SAMSN1: variants seen among roughly 807,000 people sequenced by gnomAD.
SAMSN1 encodes SAM domain, SH3 domain and nuclear localization signals 1.
Under a neutral mutation model 42.0 loss-of-function variants are expected in SAMSN1, and 31 were observed. That is an observed-to-expected ratio of 0.74 (90% confidence interval 0.55 to 1.00). The LOEUF (loss-of-function observed/expected upper bound fraction) is 1.00. SAMSN1 is among the 50% of genes least tolerant of loss of function. The pLI, the probability that SAMSN1 is intolerant of heterozygous loss-of-function variation, is 0.00. For missense variants in SAMSN1, 464 were observed against 439.4 expected, an observed-to-expected ratio of 1.06 and a Z score of -0.50; for synonymous variants, 178 against 151.9, an observed-to-expected ratio of 1.17 and a Z score of -1.26.
chr21:14,496,776 T>C (rs956292015), intron 7 of SAMSN1, among the ~76,000 whole-genome samples: 1 of 152,194 alleles, frequency 6.6e-6, no homozygotes, highest in African/African-American at 2.4e-5. Context: ...AGAAAGCATA[T>C]AATAACCTAG....
At chr21:14,549,249 G>A (rs952912068), upstream of SAMSN1, among the ~76,000 whole-genome samples, 2 of 152,072 alleles carry the variant, frequency 1.3e-5, no homozygotes, top group Non-Finnish European at 2.9e-5. Flanking sequence ...TGATGTCCTC[G>A]ATTCTGAGAC....
At chr21:14,626,379 A>G (rs182812621) in intron 2 of SAMSN1, among the ~76,000 whole-genome samples, 169 of 152,338 alleles carry the variant, frequency 1.1e-3, no homozygotes, top group African/African-American at 4.0e-3. Flanking sequence ...CAATCTACTC[A>G]TCTGACAAAG....
intron 6 of SAMSN1, among the ~76,000 whole-genome samples, chr21:14,597,186 A>G (rs1331364611): frequency 6.6e-6 from 1 of 152,044 alleles, no homozygotes; most frequent in Non-Finnish European, 1.5e-5. Context: ...AATCTGTCTG[A>G]TAAAACCTAG....
intron 6 of SAMSN1, among the ~76,000 whole-genome samples, chr21:14,600,427 G>A (rs772484322): frequency 7.2e-5 from 11 of 152,116 alleles, no homozygotes; most frequent in Non-Finnish European, 1.5e-4. Flanking sequence ...CCCAAACGAC[G>A]ATTTTTAGAT....
chr21:14,505,418 A>G (rs962528169), intron 5 of SAMSN1, among the ~76,000 whole-genome samples: 1 of 152,226 alleles, frequency 6.6e-6, no homozygotes, highest in East Asian at 1.9e-4. Flanking sequence ...TTTCATTCAA[A>G]TGGACACCAA....
intron 2 of SAMSN1, chr21:14,642,937 T>C: frequency 1.5e-6 from 1 of 686,366 alleles, no homozygotes; most frequent in Non-Finnish European, 2.7e-6. Flanking sequence ...TAAGTATCAT[T>C]AGGCAAGAGA....
upstream of SAMSN1, chr21:14,583,432 G>T (rs983959820): frequency 1.2e-5 from 6 of 492,266 alleles, no homozygotes; most frequent in Admixed American, 1.4e-4. Flanking sequence ...GTGTCTCGGA[G>T]CCCGGTCTTG....
intron 2 of SAMSN1, among the ~76,000 whole-genome samples, chr21:14,577,284 A>ATATATATTTTT (rs1460040142): frequency 1.9e-5 from 1 of 53,860 alleles, no homozygotes; most frequent in African/African-American, 8.4e-5. Context: ...ATATATATAT[A>ATATATATTTTT]TTTTTTTTTT....
chr21:14,530,194 G>T (rs1360808771), intron 1 of SAMSN1, among the ~76,000 whole-genome samples: 3 of 151,822 alleles, frequency 2.0e-5, no homozygotes, highest in African/African-American at 7.3e-5. Flanking sequence ...GCGGGTGCCT[G>T]TAGTCCCAGC....
intron 5 of SAMSN1, among the ~76,000 whole-genome samples, chr21:14,508,263 A>G (rs1248076356): frequency 1.3e-5 from 2 of 152,238 alleles, no homozygotes; most frequent in Non-Finnish European, 2.9e-5. Context: ...CAGCAGAGCA[A>G]ACAGACAACC....
At chr21:14,590,266 A>ATT (rs56187524) in intron 7 of SAMSN1, among the ~76,000 whole-genome samples, 73,927 of 150,838 alleles carry the variant, frequency 0.49, 18,864 homozygotes, top group Admixed American at 0.6. Flanking sequence ...AATTGGGAGA[A>ATT]TTTTTTTTTC....
At chr21:14,522,236 T>C (rs1012931812) in intron 1 of SAMSN1, among the ~76,000 whole-genome samples, 2 of 152,234 alleles carry the variant, frequency 1.3e-5, no homozygotes, top group African/African-American at 4.8e-5. Flanking sequence ...TAATTTCTGA[T>C]ATGCAACAAA....
chr21:14,637,181 A>C (rs574544186), intron 2 of SAMSN1, among the ~76,000 whole-genome samples: 1 of 152,204 alleles, frequency 6.6e-6, no homozygotes, highest in Non-Finnish European at 1.5e-5. Context: ...TTTAATTTTA[A>C]TTTTAATTTA....
chr21:14,548,675 T>G (rs764976466), upstream of SAMSN1, among the ~76,000 whole-genome samples: 2 of 152,110 alleles, frequency 1.3e-5, no homozygotes, highest in African/African-American at 2.4e-5. Flanking sequence ...ATGTGACATT[T>G]GAGGTCCCAT....
intron 1 of SAMSN1, among the ~76,000 whole-genome samples, chr21:14,654,096 A>G (rs748020489): frequency 1.3e-5 from 2 of 152,036 alleles, no homozygotes; most frequent in African/African-American, 4.8e-5. Context: ...AAGCAAATTT[A>G]TTAATCAAAT....
At position 14,545,424 on chromosome 21, in the gene SAMSN1, A is replaced by G. The variant is rs556052968; in HGVS notation, c.57+781T>C. ...AAATTGTATTTACCTGAGAAAAGAA[A>G]TGTACAAGTATTGGAGAAATTTTCT... is the stretch of plus-strand genomic sequence containing the variant. On this transcript the variant is annotated intron_variant, in intron 1 of 7. Coordinates refer to ENST00000400566, the MANE Select transcript of SAMSN1 (RefSeq NM_022136.5). Among the ~76,000 whole-genome samples, 19 of 152,292 alleles carry G rather than the reference A, an allele frequency of 1.2e-4. No homozygotes were observed. The East Asian group carries it at 3.7e-3, about 29-fold the overall frequency.
intron 7 of SAMSN1, among the ~76,000 whole-genome samples, chr21:14,488,394 A>G (rs573285050): frequency 6.6e-6 from 1 of 152,306 alleles, no homozygotes; most frequent in East Asian, 1.9e-4. Context: ...TAGGTTGATT[A>G]CCAATTGTGG....
At chr21:14,658,927 A>C, upstream of SAMSN1, 1 of 614,752 alleles carries the variant, frequency 1.6e-6, no homozygotes, top group Non-Finnish European at 2.9e-6. Flanking sequence ...GACCATTATC[A>C]AATAATATAG....
chr21:14,649,780 C>T (rs1172080192), intron 1 of SAMSN1, among the ~76,000 whole-genome samples: 2 of 146,920 alleles, frequency 1.4e-5, no homozygotes, highest in Non-Finnish European at 3.0e-5. Flanking sequence ...AAAACACACA[C>T]ACACACACAC....
Sources: allele counts gnomAD v4.1 joint callset (sites outside exome capture counted in the v4.1 genomes callset), GRCh38; gene constraint gnomAD v4.1.1; transcripts MANE v1.5; gene names NCBI Gene and HGNC (gene_info 2026-07-23, HGNC 2026-07-21).